The following GPM6A variants were observed in gnomAD, a reference collection of about 807,000 sequenced individuals.
The protein encoded by GPM6A is glycoprotein M6A, also known as neuronal membrane glycoprotein M6-a.
GPM6A carries 7 observed loss-of-function variants against 32.1 expected under a neutral mutation model. The observed-to-expected ratio is 0.22, with a 90% CI of 0.12 to 0.41. GPM6A has a LOEUF of 0.41. Among genes scored for constraint, GPM6A ranks in the 10% least tolerant of loss-of-function variants. The pLI, the probability that GPM6A is intolerant of heterozygous loss-of-function variation, is 1.00. For synonymous variants in GPM6A, 130 were observed against 123.4 expected, an observed-to-expected ratio of 1.05 and a Z score of -0.35; for missense variants, 235 against 347.2, an observed-to-expected ratio of 0.68 and a Z score of 2.57.
upstream of GPM6A, among the ~76,000 whole-genome samples, chr4:175,817,052 G>GT (rs1735127070): frequency 1.3e-5 from 2 of 152,154 alleles, no homozygotes; most frequent in African/African-American, 4.8e-5. Context: ...TAGAGATGGG[G>GT]TTTCACCGTG....
chr4:175,970,860 C>T (rs948236662), intron 1 of GPM6A: 1 of 456,170 alleles, frequency 2.2e-6, no homozygotes, highest in Non-Finnish European at 4.4e-6. Flanking sequence ...ATTGTTAGAT[C>T]CACTGCTCTT....
At chr4:175,912,444 C>A (rs1480656573) in intron 1 of GPM6A, among the ~76,000 whole-genome samples, 1 of 152,052 alleles carries the variant, frequency 6.6e-6, no homozygotes, top group Non-Finnish European at 1.5e-5. Flanking sequence ...CACCTGAGGT[C>A]AGGAGTTCGA....
In GPM6A at chr4:175,999,885, A is replaced by G. The variant is rs147010840; in HGVS notation, c.-23+2424T>C. 1.1e-3 allele frequency among the ~76,000 whole-genome samples: 174 copies of G among 152,332 alleles called. 2 individuals are homozygous for G. Among genetic ancestry groups the G allele is most frequent in the African/African-American group, 3.9e-3 (162 of 41,582 alleles). ...ACCATCCCTACTACCACTAAATAGA[A>G]GAGGTTCTGAGTAGTGAAGTTTTAT... On this transcript the variant is annotated intron_variant, in intron 1 of 7. Coordinates refer to the GPM6A transcript ENST00000280187.
intron 1 of GPM6A, among the ~76,000 whole-genome samples, chr4:175,857,232 T>C (rs530915803): frequency 1.3e-5 from 2 of 152,252 alleles, no homozygotes; most frequent in East Asian, 3.9e-4. Context: ...TCACAAGCAA[T>C]ATATAGCATG....
At chr4:175,879,950 A>G (rs1737215426) in intron 1 of GPM6A, among the ~76,000 whole-genome samples, 1 of 152,186 alleles carries the variant, frequency 6.6e-6, no homozygotes. Flanking sequence ...AGGGGACATG[A>G]AGTCCTTGCC....
chr4:175,854,948 T>C (rs1035690200), intron 1 of GPM6A, among the ~76,000 whole-genome samples: 33 of 152,160 alleles, frequency 2.2e-4, no homozygotes, highest in African/African-American at 7.5e-4. Flanking sequence ...GGGTAGAACA[T>C]CTCATAATTC....
At chr4:175,649,600 G>A (rs1172926973) in intron 4 of GPM6A, among the ~76,000 whole-genome samples, 1 of 152,096 alleles carries the variant, frequency 6.6e-6, no homozygotes, top group African/African-American at 2.4e-5. Flanking sequence ...ATCAGAGCAT[G>A]CTAATCTCTC....
chr4:175,722,926 G>A (rs764885424), intron 1 of GPM6A, among the ~76,000 whole-genome samples: 1 of 151,530 alleles, frequency 6.6e-6, no homozygotes, highest in African/African-American at 2.4e-5. Flanking sequence ...GTACACACCT[G>A]TAATCCCAGC....
At chr4:175,785,109 T>C (rs886660560) in intron 1 of GPM6A, among the ~76,000 whole-genome samples, 2 of 152,182 alleles carry the variant, frequency 1.3e-5, no homozygotes, top group African/African-American at 4.8e-5. Flanking sequence ...TTTCCGAAGC[T>C]AGATCATAAG....
chr4:175,812,157 A>T, intron 1 of GPM6A, 34 bp downstream of exon 1: 1 of 1,446,580 alleles, frequency 6.9e-7, no homozygotes, highest in Non-Finnish European at 9.6e-7. Flanking sequence ...CAAAATAATT[A>T]CTTAGTTACA....
chr4:175,948,658 A>G (rs1194389984), intron 1 of GPM6A, among the ~76,000 whole-genome samples: 1 of 152,236 alleles, frequency 6.6e-6, no homozygotes, highest in Non-Finnish European at 1.5e-5. Flanking sequence ...AATATATCAT[A>G]TGGGTTAATA....
intron 1 of GPM6A, among the ~76,000 whole-genome samples, chr4:175,828,634 CT>C (rs1184591851): frequency 2.0e-5 from 3 of 152,040 alleles, no homozygotes; most frequent in African/African-American, 7.2e-5. Context: ...AATCTTTTTA[CT>C]TCTGTGGCCC....
At chr4:175,710,156 T>A (rs1745450848) in intron 1 of GPM6A, among the ~76,000 whole-genome samples, 1 of 152,168 alleles carries the variant, frequency 6.6e-6, no homozygotes, top group Non-Finnish European at 1.5e-5. Flanking sequence ...AATAAGCTTT[T>A]TTTGGTATGA....
At chr4:175,650,433 T>C (rs1331205755) in intron 4 of GPM6A, among the ~76,000 whole-genome samples, 1 of 152,024 alleles carries the variant, frequency 6.6e-6, no homozygotes, top group African/African-American at 2.4e-5. Flanking sequence ...GCCTCCCACG[T>C]AGCTGGGACT....
chr4:175,783,766 AAT>A lies in GPM6A; in HGVS notation c.37+28423_37+28424del, dbSNP rs201738940. On this transcript the variant is annotated intron_variant, in intron 1 of 6. Coordinates refer to ENST00000393658, the MANE Select transcript of GPM6A (RefSeq NM_201591.3). ...ATATCACAATATTTACAGACAAAAA[AAT>A]AGAAAAATAAATTTTGCAACAAAAA... is the stretch of plus-strand genomic sequence containing the variant. Among the ~76,000 whole-genome samples, 320 of 120,022 alleles carry A rather than the reference AAT, an allele frequency of 2.7e-3. 1 individual carries two copies. In the East Asian group the frequency reaches 0.067, roughly 25 times the overall value. The allele number at this position is 120,022 out of a possible 152,430, so 78.7% of individuals were successfully genotyped here.
intron 1 of GPM6A, among the ~76,000 whole-genome samples, chr4:175,870,636 C>T (rs1346068993): frequency 1.3e-5 from 2 of 152,124 alleles, no homozygotes; most frequent in East Asian, 3.9e-4. Context: ...CACTACATCG[C>T]TTCTCTCCTT....
At chr4:176,001,526 G>A (rs533886040) in intron 1 of GPM6A, among the ~76,000 whole-genome samples, 1 of 152,174 alleles carries the variant, frequency 6.6e-6, no homozygotes, top group South Asian at 2.1e-4. Flanking sequence ...TCCGCCACAC[G>A]CAGTCACATT....
At chr4:175,779,251 T>C (rs1216538328) in intron 1 of GPM6A, among the ~76,000 whole-genome samples, 2 of 152,174 alleles carry the variant, frequency 1.3e-5, no homozygotes, top group Non-Finnish European at 2.9e-5. Flanking sequence ...CCATTTGATG[T>C]GGAAGTCTTT....
chr4:175,826,956 C>G (rs1735458762), intron 1 of GPM6A, among the ~76,000 whole-genome samples: 1 of 152,182 alleles, frequency 6.6e-6, no homozygotes, highest in South Asian at 2.1e-4. Context: ...TCTACTTCCT[C>G]AAATACAGAA....
Sources: allele counts gnomAD v4.1 joint callset (sites outside exome capture counted in the v4.1 genomes callset), GRCh38; gene constraint gnomAD v4.1.1; transcripts MANE v1.5; gene names NCBI Gene and HGNC (gene_info 2026-07-23, HGNC 2026-07-21).